Variants in NRIP3 observed in about 807,000 individuals in gnomAD.
The protein encoded by NRIP3 is nuclear receptor interacting protein 3.
Under a neutral mutation model 29.0 loss-of-function variants are expected in NRIP3, and 31 were observed. That is an observed-to-expected ratio of 1.07 (90% CI 0.80 to 1.44). The LOEUF (loss-of-function observed/expected upper bound fraction) is 1.44. Ranked by LOEUF, NRIP3 falls within the 40% of genes most tolerant of loss-of-function variation. The pLI, the probability that NRIP3 is intolerant of heterozygous loss-of-function variation, is 0.00. For synonymous variants in NRIP3, 131 were observed against 118.3 expected (o/e 1.11, Z -0.70); for missense variants, 314 against 297.9 (o/e 1.05, Z -0.40).
At chr11:8,984,822 T>G (rs1854483252) in intron 4 of NRIP3, among the ~76,000 whole-genome samples, 1 of 152,134 alleles carries the variant, frequency 6.6e-6, no homozygotes, top group Non-Finnish European at 1.5e-5. Context: ...CATTTTCACC[T>G]ATACATAAAA....
chr11:8,982,829 C>CTTTTTT lies in NRIP3; in HGVS notation c.*710_*715dup. On this transcript the variant is annotated 3_prime_UTR_variant, in exon 7 of 7. Coordinates refer to ENST00000309166, the MANE Select transcript of NRIP3 (RefSeq NM_020645.3). ...AGAGAATATTCCTCCCATGCTCTGC[C>CTTTTTT]TTTTTTTTTTTTTTTTTAACACATT... 1 of 285,900 alleles carries CTTTTTT rather than the reference C, an allele frequency of 3.5e-6. No homozygotes were observed. Among genetic ancestry groups the CTTTTTT allele is most frequent in the Non-Finnish European group, 6.8e-6 (1 of 147,386 alleles). 17.7% of individuals were successfully genotyped at this position (285,900 alleles called of 1,614,324 possible).
chr11:8,985,043 G>C (rs1854489722), intron 4 of NRIP3, among the ~76,000 whole-genome samples: 1 of 151,876 alleles, frequency 6.6e-6, no homozygotes, highest in African/African-American at 2.4e-5. Context: ...TACAGACGGG[G>C]TTTCTCCATG....
chr11:9,004,115 T>TCGCGTCC (rs548203402), upstream of NRIP3: 883 of 479,250 alleles, frequency 1.8e-3, 6 homozygotes, highest in East Asian at 0.01. Flanking sequence ...CGCGGCTCCC[T>TCGCGTCC]CGCGTCCCGC....
chr11:9,004,023 G>A, upstream of NRIP3: 1 of 1,256,436 alleles, frequency 8.0e-7, no homozygotes, highest in Non-Finnish European at 1.0e-6. Context: ...CCCGAGCCGC[G>A]CCTTTTATAG....
At position 8,983,019 on chromosome 11, in the gene NRIP3, CTG is replaced by C. The variant is rs1332345002; in HGVS notation, c.*524_*525del. 1 of 456,698 alleles carries C rather than the reference CTG, an allele frequency of 2.2e-6. No individual in the cohort carries two copies. The highest frequency in any genetic ancestry group is 4.4e-6 in the Non-Finnish European group (1 of 227,014). 28.3% of individuals were successfully genotyped at this position (456,698 alleles called of 1,614,324 possible). A position where few individuals can be genotyped will look rare whatever the true frequency, so the allele number is the denominator to read the frequency against. ...TGGACCTTTAAATGAAAGAGTTAAA[CTG>C]TAATGGATAATGTCCCTGGGCTCTT... On this transcript the variant is annotated 3_prime_UTR_variant, in exon 7 of 7. Coordinates refer to ENST00000309166, the MANE Select transcript of NRIP3 (RefSeq NM_020645.3).
rs578151215 is a variant in NRIP3, at chr11:8,999,585, A to T, written c.174+4177T>A. On this transcript the variant is annotated intron_variant, in intron 1 of 6. Transcript: ENST00000309166. ...GGAAAATAAAAAAAATAATAATTTT[A>T]AAAAACCACCCAAATGCCTGCACAA... Among the ~76,000 whole-genome samples the T allele has an allele frequency of 8.5e-5, 13 of 152,374 alleles. No homozygotes were observed. In the South Asian group the frequency reaches 1.2e-3, roughly 15 times the overall value.
At position 8,983,513 on chromosome 11, in the gene NRIP3, A is replaced by G. The variant is rs760098155; in HGVS notation, c.*32T>C. On this transcript the variant is annotated 3_prime_UTR_variant, in exon 7 of 7. Transcript: ENST00000309166. Reference sequence around the variant, plus strand: ...CTATCTGTCAACCCGGTGTGTATGCATGCACACGTGCAGACATGCTGCAGG... The same window carrying G: ...CTATCTGTCAACCCGGTGTGTATGCGTGCACACGTGCAGACATGCTGCAGG... The G allele has an allele frequency of 1.2e-6, 2 of 1,609,812 alleles. No homozygotes were observed. The highest frequency in any genetic ancestry group is 2.2e-5 in the South Asian group (2 of 90,812).
rs1854859978 is a variant in NRIP3 at position 9,003,803 on chromosome 11, G to A, written c.133C>T (p.Pro45Ser). ...FIHKDSADLL[P>S]LDGLKKLGSS... ...CCCAGCTTCTTGAGGCCGTCCAGGGGCAGCAGGTCGGCGGAGTCCTTGTGG... is the reference window on the plus strand; with the variant it reads ...CCCAGCTTCTTGAGGCCGTCCAGGGACAGCAGGTCGGCGGAGTCCTTGTGG... Residue 45 changes from proline (P) to serine (S), a missense_variant, in exon 1 of 7, where the codon CCC (proline) becomes TCC (serine). Transcript: ENST00000309166. The A allele has an allele frequency of 2.7e-6, 4 of 1,508,164 alleles. No individual in the cohort carries two copies. Among genetic ancestry groups the A allele is most frequent in the Admixed American group, 2.1e-5 (1 of 47,004 alleles). 93.4% of individuals were successfully genotyped at this position (1,508,164 alleles called of 1,614,324 possible).
chr11:9,004,008 A>C, upstream of NRIP3: 5 of 1,352,928 alleles, frequency 3.7e-6, no homozygotes, highest in Non-Finnish European at 3.8e-6. Context: ...CAGCGCCGCA[A>C]GGGCCCCGAG....
rs1219458238 is a variant in NRIP3, at chr11:8,985,861, G to A, written c.423-11C>T. ...ACATGCTCCTTGAGTCTGTACCAAA[G>A]AGGAAGATACCAAAATCCCCTTGAC... is the stretch of plus-strand genomic sequence containing the variant. On this transcript the variant is annotated splice_polypyrimidine_tract_variant and intron_variant, in intron 3 of 6. Transcript: ENST00000309166. 3 of 1,613,560 alleles carry A rather than the reference G, an allele frequency of 1.9e-6. No individual in the cohort carries two copies. The East Asian group carries it at 6.7e-5, about 36-fold the overall frequency.
intron 4 of NRIP3, 75 bp downstream of exon 4, chr11:8,985,636 T>G: frequency 3.3e-6 from 5 of 1,531,696 alleles, no homozygotes; most frequent in Non-Finnish European, 4.4e-6. Flanking sequence ...AGGCATGAGA[T>G]GACATGAGGT....
chr11:8,990,459 G>A (rs1215428709), intron 1 of NRIP3, among the ~76,000 whole-genome samples: 2 of 152,066 alleles, frequency 1.3e-5, no homozygotes, highest in Non-Finnish European at 2.9e-5. Flanking sequence ...CATGCTCAAT[G>A]TAAAATACTT....
intron 1 of NRIP3, among the ~76,000 whole-genome samples, chr11:8,991,633 G>T (rs1854603237): frequency 6.6e-6 from 1 of 152,220 alleles, no homozygotes; most frequent in African/African-American, 2.4e-5. Context: ...AGGCAGAAAA[G>T]CAGCAATTAA....
At chr11:9,003,323 C>A (rs1364679986) in intron 1 of NRIP3, among the ~76,000 whole-genome samples, 1 of 152,130 alleles carries the variant, frequency 6.6e-6, no homozygotes, top group African/African-American at 2.4e-5. Flanking sequence ...CTGGATCTGG[C>A]AACTGTCAAA....
At position 8,981,892 on chromosome 11, in the gene NRIP3, C is replaced by G. The variant is rs1854422058; in HGVS notation, c.*1653G>C. 6.6e-6 allele frequency: 1 copy of G among 152,192 alleles called. No homozygotes were observed. 9.4% of individuals were successfully genotyped at this position (152,192 alleles called of 1,614,324 possible). ...GCTGCCTAGTTGTTCAAATGATAGT[C>G]ACCAAGTTCCTAGGCTTTAGGGAGC... On this transcript the variant is annotated 3_prime_UTR_variant, in exon 7 of 7. Coordinates refer to ENST00000309166, the MANE Select transcript of NRIP3 (RefSeq NM_020645.3).
chr11:9,002,226 G>T (rs1324824348), intron 1 of NRIP3, among the ~76,000 whole-genome samples: 2 of 152,124 alleles, frequency 1.3e-5, no homozygotes, highest in Non-Finnish European at 2.9e-5. Flanking sequence ...TTTATTGATT[G>T]CTGAGCATTC....
In NRIP3 at chr11:9,003,967, GC is replaced by G; in HGVS notation, c.-33del. 12 of 1,465,348 alleles carry G rather than the reference GC, an allele frequency of 8.2e-6. No homozygotes were observed. Among genetic ancestry groups the G allele is most frequent in the East Asian group, 3.0e-5 (1 of 33,074 alleles). 90.8% of individuals were successfully genotyped at this position (1,465,348 alleles called of 1,614,324 possible). A position where few individuals can be genotyped will look rare whatever the true frequency, so the allele number is the denominator to read the frequency against. ...GGCGCCGGCGGCCCGGTAGCCCACA[GC>G]CCCCCGGCAGCCTCAGCCTCGAGCT... On this transcript the variant is annotated 5_prime_UTR_variant, in exon 1 of 7. Transcript: ENST00000309166.
intron 1 of NRIP3, 124 bp from the exon 2 acceptor site, chr11:8,988,406 T>C: frequency 1.3e-6 from 1 of 763,310 alleles, no homozygotes; most frequent in Non-Finnish European, 2.1e-6. Context: ...TGCTTCTTAT[T>C]TATACTTCCT....
intron 3 of NRIP3, among the ~76,000 whole-genome samples, chr11:8,986,471 G>A (rs563845099): frequency 5.3e-5 from 8 of 152,302 alleles, no homozygotes; most frequent in African/African-American, 7.2e-5. Context: ...TAAGCTGATT[G>A]GAATAGCTAG....
Sources: gnomAD v4.1 joint callset for allele counts (sites outside exome capture counted in the v4.1 genomes callset) on GRCh38, gnomAD v4.1.1 for gene constraint, MANE v1.5 for transcripts, NCBI Gene and HGNC (gene_info 2026-07-23, HGNC 2026-07-21) for gene names.